The following ZNF385D variants were observed in gnomAD, a reference collection of about 807,000 sequenced individuals.
ZNF385D encodes the protein zinc finger protein 385D, also known as zinc finger protein 659.
In ZNF385D, 15 loss-of-function variants were observed where a neutral mutation model predicts 35.8. The ratio of observed to expected loss-of-function variants is 0.42; its 90% CI spans 0.28 to 0.64. ZNF385D has a LOEUF of 0.64. ZNF385D is among the 30% of genes least tolerant of loss of function. The pLI is 0.23. For missense variants in ZNF385D, 474 were observed against 494.6 expected, an observed-to-expected ratio of 0.96 and a Z score of 0.39; for synonymous variants, 212 against 186.8, an observed-to-expected ratio of 1.13 and a Z score of -1.10.
At chr3:21,854,703 C>T (rs185692508) in intron 3 of ZNF385D, among the ~76,000 whole-genome samples, 1 of 151,920 alleles carries the variant, frequency 6.6e-6, no homozygotes, top group African/African-American at 2.4e-5. Context: ...TTAATCCTGA[C>T]TATGGCTTTT....
At chr3:22,093,627 GAA>G (rs1211153987) in intron 3 of ZNF385D, among the ~76,000 whole-genome samples, 2 of 152,142 alleles carry the variant, frequency 1.3e-5, no homozygotes, top group East Asian at 1.9e-4. Flanking sequence ...TAAAAAATAA[GAA>G]AGATTGTGAT....
At chr3:22,106,353 A>G (rs569387315) in intron 3 of ZNF385D, among the ~76,000 whole-genome samples, 6 of 152,260 alleles carry the variant, frequency 3.9e-5, no homozygotes, top group African/African-American at 1.4e-4. Flanking sequence ...TGAAACTGAG[A>G]TACCATCTGC....
At chr3:21,870,799 G>C (rs535308021) in intron 3 of ZNF385D, among the ~76,000 whole-genome samples, 7 of 152,124 alleles carry the variant, frequency 4.6e-5, no homozygotes, top group African/African-American at 1.2e-4. Flanking sequence ...CCACTGCTCT[G>C]AGTGATTCTG....
intron 3 of ZNF385D, among the ~76,000 whole-genome samples, chr3:21,951,536 C>T (rs891253167): frequency 1.3e-5 from 2 of 151,588 alleles, no homozygotes; most frequent in Admixed American, 1.3e-4. Context: ...TTTGAATACC[C>T]TTTATTTCTT....
chr3:21,724,638 C>G (rs1411604792), intron 1 of ZNF385D, among the ~76,000 whole-genome samples: 9 of 151,540 alleles, frequency 5.9e-5, no homozygotes. Flanking sequence ...GCTAACTATA[C>G]TAAATATATA....
chr3:21,864,844 C>A (rs1348492087), intron 3 of ZNF385D, among the ~76,000 whole-genome samples: 1 of 151,824 alleles, frequency 6.6e-6, no homozygotes, highest in Non-Finnish European at 1.5e-5. Context: ...CTTTATTATT[C>A]CAATAACTCA....
chr3:21,488,062 C>T (rs9829608), intron 4 of ZNF385D, among the ~76,000 whole-genome samples: 4,126 of 151,762 alleles, frequency 0.027, 185 homozygotes, highest in African/African-American at 0.093. Context: ...ATTGAACTTA[C>T]ATATTTACAT....
chr3:21,967,019 T>C (rs544925646), intron 3 of ZNF385D, among the ~76,000 whole-genome samples: 2 of 152,162 alleles, frequency 1.3e-5, no homozygotes, highest in African/African-American at 2.4e-5. Context: ...AGAACACACA[T>C]AAATTAAAAT....
At chr3:22,101,992 A>G (rs1268482023) in intron 3 of ZNF385D, among the ~76,000 whole-genome samples, 1 of 151,192 alleles carries the variant, frequency 6.6e-6, no homozygotes, top group African/African-American at 2.4e-5. Context: ...CTCCCTTTCC[A>G]TTGCGCCACA....
At chr3:21,866,084 TA>T (rs773450445) in intron 3 of ZNF385D, among the ~76,000 whole-genome samples, 1 of 152,060 alleles carries the variant, frequency 6.6e-6, no homozygotes, top group Non-Finnish European at 1.5e-5. Flanking sequence ...TATACATATA[TA>T]CACTGTTAAT....
chr3:21,868,935 GCT>G (rs1697535557), intron 3 of ZNF385D, among the ~76,000 whole-genome samples: 1 of 152,020 alleles, frequency 6.6e-6, no homozygotes, highest in Non-Finnish European at 1.5e-5. Flanking sequence ...GAAATTTTAT[GCT>G]CTCTCATATT....
At chr3:21,631,219 G>T (rs894771970) in intron 2 of ZNF385D, among the ~76,000 whole-genome samples, 13 of 152,086 alleles carry the variant, frequency 8.5e-5, no homozygotes, top group African/African-American at 3.1e-4. Context: ...GGGAACAGTA[G>T]CATCTGGCTC....
At chr3:21,850,925 A>C (rs1696344784) in intron 3 of ZNF385D, among the ~76,000 whole-genome samples, 3 of 152,114 alleles carry the variant, frequency 2.0e-5, no homozygotes, top group African/African-American at 7.2e-5. Flanking sequence ...AAAAAATTCC[A>C]GAAAAACCAT....
chr3:22,246,745 C>CA (rs1699804668), intron 2 of ZNF385D, among the ~76,000 whole-genome samples: 1 of 152,044 alleles, frequency 6.6e-6, no homozygotes, highest in African/African-American at 2.4e-5. Context: ...GATGGAAACC[C>CA]AAATGACTTT....
intron 2 of ZNF385D, among the ~76,000 whole-genome samples, chr3:22,331,911 G>A (rs952477266): frequency 7.9e-5 from 12 of 152,048 alleles, no homozygotes; most frequent in Non-Finnish European, 8.8e-5. Context: ...GTGGATTCCT[G>A]GCACAGGCAC....
At chr3:21,690,264 C>G (rs1318473043) in intron 1 of ZNF385D, among the ~76,000 whole-genome samples, 4 of 152,020 alleles carry the variant, frequency 2.6e-5, no homozygotes, top group Admixed American at 1.3e-4. Flanking sequence ...TCCATATAGA[C>G]ACATATACAT....
In ZNF385D at chr3:22,009,041, G is replaced by A. The variant is rs138893391; in HGVS notation, c.325+159776C>T. ...ACAAAGTCATACAAGTCCTAGTGTTGGGTAACAAGGGAGGAACTATACACA... is the reference window on the plus strand; with the variant it reads ...ACAAAGTCATACAAGTCCTAGTGTTAGGTAACAAGGGAGGAACTATACACA... On this transcript the variant is annotated intron_variant, in intron 3 of 5. Transcript: ENST00000494108. Among the ~76,000 whole-genome samples the A allele has an allele frequency of 2.5e-3, 384 of 152,234 alleles. 2 individuals carry two copies. Among genetic ancestry groups the A allele is most frequent in the African/African-American group, 8.8e-3 (366 of 41,530 alleles).
chr3:21,641,006 C>G (rs975935807), intron 2 of ZNF385D, among the ~76,000 whole-genome samples: 2 of 151,994 alleles, frequency 1.3e-5, no homozygotes, highest in African/African-American at 2.4e-5. Context: ...AGTCTAAATG[C>G]CCTAAGTCAC....
intron 7 of ZNF385D, among the ~76,000 whole-genome samples, chr3:21,422,968 T>C (rs992562342): frequency 1.2e-4 from 18 of 152,230 alleles, no homozygotes; most frequent in Admixed American, 1.3e-4. Flanking sequence ...TTCAACATAG[T>C]ATTGGAAGTC....
Sources: allele counts gnomAD v4.1 joint callset (sites outside exome capture counted in the v4.1 genomes callset), GRCh38; gene constraint gnomAD v4.1.1; transcripts MANE v1.5; gene names NCBI Gene and HGNC (gene_info 2026-07-23, HGNC 2026-07-21).